CKAP5: variants seen among roughly 807,000 people sequenced by gnomAD.
The protein encoded by CKAP5 is cytoskeleton-associated protein 5.
CKAP5 carries 27 observed loss-of-function variants against 232.8 expected under a neutral mutation model. That is an observed-to-expected ratio of 0.12 (90% CI 0.09 to 0.16). The LOEUF (loss-of-function observed/expected upper bound fraction) is 0.16. CKAP5 is among the 10% of genes least tolerant of loss of function. The pLI is 1.00. For missense variants in CKAP5, 1,838 were observed against 2,424.7 expected, an observed-to-expected ratio of 0.76 and a Z score of 5.08; for synonymous variants, 785 against 841.1, an observed-to-expected ratio of 0.93 and a Z score of 1.16.
chr11:46,766,526 CA>C (rs2065203850), intron 27 of CKAP5, among the ~76,000 whole-genome samples: 1 of 152,072 alleles, frequency 6.6e-6, no homozygotes, highest in Non-Finnish European at 1.5e-5. Flanking sequence ...GTGTGTACTC[CA>C]AAATGGGGGT....
At chr11:46,771,098 C>T (rs1375339555) in intron 24 of CKAP5, 116 bp from the exon 25 acceptor site, 1 of 771,580 alleles carries the variant, frequency 1.3e-6, no homozygotes, top group African/African-American at 1.7e-5. Flanking sequence ...CACACTATAA[C>T]TTTCCAATAT....
chr11:46,843,945 G>A (rs527794321), intron 1 of CKAP5, among the ~76,000 whole-genome samples: 1 of 152,136 alleles, frequency 6.6e-6, no homozygotes, highest in Non-Finnish European at 1.5e-5. Context: ...GGTTAGCCAG[G>A]TGTGGTGGCT....
At chr11:46,772,033 CTTTT>C (rs57706275) in intron 24 of CKAP5, among the ~76,000 whole-genome samples, 31 of 142,086 alleles carry the variant, frequency 2.2e-4, no homozygotes, top group Non-Finnish European at 3.5e-4. Context: ...CACTGAGCAT[CTTTT>C]TTTTTTTTTT....
At chr11:46,837,155 C>T (rs1346495132) in intron 1 of CKAP5, among the ~76,000 whole-genome samples, 1 of 152,036 alleles carries the variant, frequency 6.6e-6, no homozygotes, top group Non-Finnish European at 1.5e-5. Context: ...TACTGCTATC[C>T]ATGTATGTAT....
At chr11:46,807,476 T>C (rs999092639) in intron 8 of CKAP5, among the ~76,000 whole-genome samples, 3 of 152,216 alleles carry the variant, frequency 2.0e-5, no homozygotes, top group African/African-American at 7.2e-5. Context: ...TATAATCATA[T>C]CCACAGTGTT....
chr11:46,778,549 G>A lies in CKAP5; in HGVS notation c.2484C>T (p.Ser828=), dbSNP rs555177532. Residue 828 remains serine (S), a synonymous_variant, in exon 21 of 44, where the codon AGC becomes AGT. Transcript: ENST00000529230. ...CTTCTCCTTCATCTGTACCACTTGT[G>A]CTATGCTTGGAAATTCCTCTGGTTG... ...PAPTRGISKH[S]TSGTDEGEDG... is the part of the protein sequence containing the mutation. 1.2e-6 allele frequency: 2 copies of A among 1,613,910 alleles called. No individual in the cohort carries two copies. Among genetic ancestry groups the A allele is most frequent in the Admixed American group, 3.3e-5 (2 of 59,976 alleles).
Position 46,784,572 on chromosome 11 carries a change from A to T in CKAP5, c.2070T>A (p.Ile690=). 6.2e-7 allele frequency: 1 copy of T among 1,614,098 alleles called. No individual in the cohort carries two copies. Among genetic ancestry groups the T allele is most frequent in the Non-Finnish European group, 8.5e-7 (1 of 1,179,988 alleles). The change falls in exon 17 of 44, where the codon ATT becomes ATA. Residue 690 remains isoleucine, a synonymous_variant. Transcript: ENST00000529230. The part of the protein sequence containing the change: ...QVVLDGLVDK[I]GDVKCGNNAK... Reference sequence around the variant, plus strand: ...CATTGTTCCCACATTTCACATCTCCAATCTTGTCCACAAGGCCATCTAATA... The same window carrying T: ...CATTGTTCCCACATTTCACATCTCCTATCTTGTCCACAAGGCCATCTAATA...
chr11:46,772,295 A>C (rs1039046847), intron 24 of CKAP5, among the ~76,000 whole-genome samples: 1 of 151,936 alleles, frequency 6.6e-6, no homozygotes, highest in African/African-American at 2.4e-5. Flanking sequence ...TTGCAGAGTA[A>C]AAGTTTTTAA....
intron 2 of CKAP5, among the ~76,000 whole-genome samples, chr11:46,820,111 A>C (rs1476204234): frequency 6.6e-6 from 1 of 152,164 alleles, no homozygotes; most frequent in Non-Finnish European, 1.5e-5. Flanking sequence ...CCTTTCAGTG[A>C]GAATATACAA....
At chr11:46,802,992 G>T (rs914422917) in intron 8 of CKAP5, among the ~76,000 whole-genome samples, 4 of 152,136 alleles carry the variant, frequency 2.6e-5, no homozygotes, top group African/African-American at 7.2e-5. Context: ...AGCCAGGCAT[G>T]GTGGTTCACG....
chr11:46,796,122 G>A (rs1041556060), intron 12 of CKAP5, among the ~76,000 whole-genome samples: 3 of 142,928 alleles, frequency 2.1e-5, no homozygotes, highest in African/African-American at 8.1e-5. Flanking sequence ...CTGAGATTGT[G>A]CCACTGCACT....
At chr11:46,757,610 C>T (rs1051590207) in intron 35 of CKAP5, among the ~76,000 whole-genome samples, 6 of 151,606 alleles carry the variant, frequency 4.0e-5, no homozygotes, top group African/African-American at 1.5e-4. Context: ...GGAGATGGAG[C>T]GAGATCTCGC....
rs748510350 is a variant in CKAP5, at chr11:46,778,217, G to A, written c.2670C>T (p.Asp890=). 2.5e-5 allele frequency: 40 copies of A among 1,613,762 alleles called. No homozygotes were observed. In the Admixed American group the frequency reaches 2.7e-4, roughly 11 times the overall value. The change falls in exon 22 of 44, where the codon GAC becomes GAT. Residue 890 remains aspartate (D), a synonymous_variant. Coordinates refer to ENST00000529230, the MANE Select transcript of CKAP5 (RefSeq NM_001008938.4). The part of the protein sequence containing the change: ...GLDEVAGIIN[D]AKFIQPNIGE... ...CTATATTCGGTTGGATAAATTTTGC[G>A]TCATTAATAATACCTGCCACTTCAT...
At chr11:46,754,259 C>T (rs1352143033) in intron 36 of CKAP5, among the ~76,000 whole-genome samples, 3 of 152,098 alleles carry the variant, frequency 2.0e-5, no homozygotes, top group Admixed American at 1.3e-4. Flanking sequence ...GGCCTCCCAA[C>T]GTGCTGAGAT....
At chr11:46,777,140 C>T (rs772318975) in intron 23 of CKAP5, among the ~76,000 whole-genome samples, 1 of 152,056 alleles carries the variant, frequency 6.6e-6, no homozygotes, top group Non-Finnish European at 1.5e-5. Flanking sequence ...ATGAGACAGG[C>T]ACAATAAAAT....
chr11:46,746,936 G>C (rs763673891), intron 42 of CKAP5, among the ~76,000 whole-genome samples: 7 of 152,186 alleles, frequency 4.6e-5, no homozygotes, highest in Non-Finnish European at 1.0e-4. Flanking sequence ...AGGAGTTCAA[G>C]ACCAGCTGGG....
chr11:46,841,712 A>C (rs967455254), intron 1 of CKAP5, among the ~76,000 whole-genome samples: 9 of 152,098 alleles, frequency 5.9e-5, no homozygotes, highest in African/African-American at 2.2e-4. Context: ...TAAAAAAGTG[A>C]TATGCTGGCT....
intron 1 of CKAP5, among the ~76,000 whole-genome samples, chr11:46,845,740 G>A (rs1940172740): frequency 6.6e-6 from 1 of 152,230 alleles, no homozygotes; most frequent in African/African-American, 2.4e-5. Flanking sequence ...CAGGGACACA[G>A]GTGTGCGGCC....
chr11:46,764,660 C>T (rs1430457960), intron 28 of CKAP5, among the ~76,000 whole-genome samples: 1 of 152,116 alleles, frequency 6.6e-6, no homozygotes, highest in Non-Finnish European at 1.5e-5. Flanking sequence ...TGGAGGGATA[C>T]TGGAACAGAG....
Sources: allele counts gnomAD v4.1 joint callset (sites outside exome capture counted in the v4.1 genomes callset), GRCh38; gene constraint gnomAD v4.1.1; transcripts MANE v1.5; gene names NCBI Gene and HGNC (gene_info 2026-07-23, HGNC 2026-07-21).